Variants in UBTD2 observed in about 807,000 individuals in gnomAD.
The protein encoded by UBTD2 is ubiquitin domain-containing protein 2.
In UBTD2, 9 loss-of-function variants were observed where a neutral mutation model predicts 19.8. The ratio of observed to expected loss-of-function variants is 0.46; its 90% confidence interval spans 0.27 to 0.79. UBTD2 has a LOEUF of 0.79. Ranked by LOEUF, UBTD2 falls within the 30% of genes least tolerant of loss-of-function variation. UBTD2 has a pLI of 0.14. For synonymous variants in UBTD2, 98 were observed against 103.9 expected, an observed-to-expected ratio of 0.94 and a Z score of 0.35; for missense variants, 250 against 300.4, an observed-to-expected ratio of 0.83 and a Z score of 1.24.
At chr5:172,216,535 T>C (rs867846005) in intron 2 of UBTD2, among the ~76,000 whole-genome samples, 1 of 135,138 alleles carries the variant, frequency 7.4e-6, no homozygotes, top group African/African-American at 2.8e-5. Flanking sequence ...GGAGGACTGC[T>C]TGAGCCCATG....
At chr5:172,216,794 T>C (rs12652736) in intron 2 of UBTD2, among the ~76,000 whole-genome samples, 46,315 of 151,542 alleles carry the variant, frequency 0.31, 7,248 homozygotes, top group South Asian at 0.42. Context: ...AGTGAAACCC[T>C]GTCTCTACAA....
chr5:172,219,849 CAAGAA>C (rs1417278407), intron 2 of UBTD2, among the ~76,000 whole-genome samples: 1 of 152,116 alleles, frequency 6.6e-6, no homozygotes, highest in Non-Finnish European at 1.5e-5. Context: ...GGGTGGAAGA[CAAGAA>C]AAGAATTGTG....
At chr5:172,220,373 C>T (rs745924935) in intron 2 of UBTD2, among the ~76,000 whole-genome samples, 16 of 152,182 alleles carry the variant, frequency 1.1e-4, no homozygotes, top group Admixed American at 6.5e-4. Context: ...CGGTGGCTCA[C>T]GCCTCTAATC....
chr5:172,269,686 T>C (rs1755445649), intron 1 of UBTD2, among the ~76,000 whole-genome samples: 1 of 147,290 alleles, frequency 6.8e-6, no homozygotes, highest in African/African-American at 2.5e-5. Flanking sequence ...TGCCAGAAAA[T>C]TGGGAACTAA....
Position 172,209,936 on chromosome 5 carries a change from AAC to A in UBTD2, c.*1892_*1893del, listed in dbSNP as rs1328046143. 2.6e-5 allele frequency: 4 copies of A among 152,618 alleles called. No homozygotes were observed. The highest frequency in any genetic ancestry group is 1.9e-4 in the East Asian group (1 of 5,192). 9.5% of individuals were successfully genotyped at this position (152,618 alleles called of 1,614,324 possible). On this transcript the variant is annotated 3_prime_UTR_variant, in exon 3 of 3. Coordinates refer to ENST00000393792, the MANE Select transcript of UBTD2 (RefSeq NM_152277.3). ...CATCACCAAATCTGCTTAAGAAAAA[AAC>A]AGTTTTAAACACTTTTTTCCAGTTG...
intron 1 of UBTD2, among the ~76,000 whole-genome samples, chr5:172,240,843 T>C (rs1475311147): frequency 6.6e-6 from 1 of 152,114 alleles, no homozygotes. Flanking sequence ...CCCAGCACTT[T>C]GGAAGGCCAA....
At chr5:172,231,213 A>C (rs1771888694) in intron 2 of UBTD2, among the ~76,000 whole-genome samples, 1 of 152,242 alleles carries the variant, frequency 6.6e-6, no homozygotes, top group African/African-American at 2.4e-5. Context: ...GTACATGACA[A>C]AACAAAATTA....
chr5:172,278,411 C>T (rs190916593), intron 1 of UBTD2, among the ~76,000 whole-genome samples: 7 of 151,934 alleles, frequency 4.6e-5, no homozygotes, highest in Admixed American at 1.3e-4. Context: ...CCCAGCTACT[C>T]GGAGGGCTGA....
At chr5:172,276,722 C>T (rs977296246) in intron 1 of UBTD2, among the ~76,000 whole-genome samples, 7 of 146,628 alleles carry the variant, frequency 4.8e-5, no homozygotes, top group Admixed American at 6.9e-5. Context: ...GAGGGAAAGA[C>T]GGAAGAAAGG....
chr5:172,256,529 G>GTTT lies in UBTD2; in HGVS notation c.71-22172_71-22171insAAA, dbSNP rs752604475. Among the ~76,000 whole-genome samples the GTTT allele has an allele frequency of 9.9e-5, 12 of 121,278 alleles. 1 individual carries two copies. Among genetic ancestry groups the GTTT allele is most frequent in the Non-Finnish European group, 6.6e-5 (4 of 60,290 alleles). The allele number at this position is 121,278 out of a possible 152,430, so 79.6% of individuals were successfully genotyped here. A position where few individuals can be genotyped will look rare whatever the true frequency, so the allele number is the denominator to read the frequency against. On this transcript the variant is annotated intron_variant, in intron 1 of 2. Coordinates refer to ENST00000393792, the MANE Select transcript of UBTD2 (RefSeq NM_152277.3). The stretch of plus-strand genomic sequence containing the variant: ...CTACAGGTGCATGCCACCATGCCCA[G>GTTT]CTTTTTTTTTTTTTTTTTAGTAGAC...
intron 1 of UBTD2, chr5:172,254,949 C>G (rs1755108820): frequency 3.7e-6 from 2 of 535,962 alleles, no homozygotes; most frequent in South Asian, 3.4e-5. Context: ...ATGAGAGGCT[C>G]CTGGAGGTGA....
chr5:172,276,494 T>G (rs1755606061), intron 1 of UBTD2, among the ~76,000 whole-genome samples: 1 of 152,184 alleles, frequency 6.6e-6, no homozygotes, highest in South Asian at 2.1e-4. Flanking sequence ...CTGGTATGTT[T>G]TTAAAAACAT....
chr5:172,226,928 G>A (rs1029215032), intron 2 of UBTD2, among the ~76,000 whole-genome samples: 7 of 152,212 alleles, frequency 4.6e-5, no homozygotes, highest in South Asian at 4.1e-4. Flanking sequence ...ACCTGTATAC[G>A]TATTGTTGAT....
At chr5:172,226,612 G>A (rs922170433) in intron 2 of UBTD2, among the ~76,000 whole-genome samples, 5 of 152,114 alleles carry the variant, frequency 3.3e-5, no homozygotes, top group African/African-American at 1.2e-4. Flanking sequence ...TTGAGTCCAT[G>A]GCTTCATATT....
chr5:172,256,545 T>C, intron 1 of UBTD2, among the ~76,000 whole-genome samples: 1 of 151,964 alleles, frequency 6.6e-6, no homozygotes, highest in East Asian at 1.9e-4. Flanking sequence ...TTTTTTTTTT[T>C]TTAGTAGACA....
chr5:172,244,375 C>G (rs542265511), intron 1 of UBTD2, among the ~76,000 whole-genome samples: 1 of 142,428 alleles, frequency 7.0e-6, no homozygotes, highest in African/African-American at 2.6e-5. Flanking sequence ...CGTCTCACTA[C>G]AACCTCTGCC....
rs529919520 is a variant in UBTD2, at chr5:172,212,420, G to C, written c.308-193C>G. On this transcript the variant is annotated intron_variant, in intron 2 of 2. Coordinates refer to ENST00000393792, the MANE Select transcript of UBTD2 (RefSeq NM_152277.3). Reference sequence around the variant, plus strand: ...TATTTAATTTTATATGAACCAGAATGCTAGGTCCTTACGCTTATGCTCTTC... The same window carrying C: ...TATTTAATTTTATATGAACCAGAATCCTAGGTCCTTACGCTTATGCTCTTC... 2.0e-5 allele frequency among the ~76,000 whole-genome samples: 3 copies of C among 152,226 alleles called. No homozygotes were observed. The East Asian group carries it at 5.8e-4, about 29-fold the overall frequency.
rs1228492757 is a variant in UBTD2 at position 172,211,688 on chromosome 5, T to G, written c.*142A>C. 2.2e-6 allele frequency: 2 copies of G among 919,290 alleles called. No homozygotes were observed. The highest frequency in any genetic ancestry group is 3.0e-6 in the Non-Finnish European group (2 of 667,066). 56.9% of individuals were successfully genotyped at this position (919,290 alleles called of 1,614,324 possible). On this transcript the variant is annotated 3_prime_UTR_variant, in exon 3 of 3. Coordinates refer to ENST00000393792, the MANE Select transcript of UBTD2 (RefSeq NM_152277.3). ...TTGGTCTCCATCACAGATGGAATTTTTCACTGGTAATTCCTCAGAACTAAA... is the reference window on the plus strand; with the variant it reads ...TTGGTCTCCATCACAGATGGAATTTGTCACTGGTAATTCCTCAGAACTAAA...
intron 2 of UBTD2, among the ~76,000 whole-genome samples, chr5:172,227,319 A>T (rs1161219218): frequency 6.6e-6 from 1 of 152,204 alleles, no homozygotes; most frequent in African/African-American, 2.4e-5. Flanking sequence ...ATACATTTAC[A>T]ATTTATAACC....
Sources: allele counts gnomAD v4.1 joint callset (sites outside exome capture counted in the v4.1 genomes callset), GRCh38; gene constraint gnomAD v4.1.1; transcripts MANE v1.5; gene names NCBI Gene and HGNC (gene_info 2026-07-23, HGNC 2026-07-21).